Variants in PKD1 observed in about 807,000 individuals in gnomAD.
PKD1 encodes the protein polycystin 1, transient receptor potential channel interacting.
PKD1 carries 81 observed loss-of-function variants against 361.7 expected under a neutral mutation model. The ratio of observed to expected loss-of-function variants is 0.22; its 90% CI spans 0.19 to 0.27. The LOEUF (loss-of-function observed/expected upper bound fraction) is 0.27. PKD1 is among the 10% of genes least tolerant of loss of function. The pLI, the probability that PKD1 is intolerant of heterozygous loss-of-function variation, is 1.00. For missense variants in PKD1, 6,399 were observed against 6,118.3 expected, an observed-to-expected ratio of 1.05 and a Z score of -1.53; for synonymous variants, 3,615 against 2,818.3, an observed-to-expected ratio of 1.28 and a Z score of -8.95.
intron 30 of PKD1, 184 bp downstream of exon 30, chr16:2,099,460 T>G: frequency 4.3e-6 from 3 of 696,560 alleles, no homozygotes; most frequent in Non-Finnish European, 7.7e-6. Context: ...TTCTGGCTTC[T>G]GAGTCTTCTC....
At chr16:2,097,046 G>GCCCCCC in intron 34 of PKD1, 102 bp downstream of exon 34, 1 of 754,824 alleles carries the variant, frequency 1.3e-6, no homozygotes. Context: ...CCCTGCCCTG[G>GCCCCCC]CACCCCACCC....
chr16:2,097,582 A>G (rs2091898854), intron 32 of PKD1, 79 bp from the exon 33 acceptor site: 1 of 1,608,204 alleles, frequency 6.2e-7, no homozygotes, highest in African/African-American at 1.3e-5. Flanking sequence ...ACGCACGGAC[A>G]CCCTGGGCTT....
rs34379884 is a variant in PKD1 at position 2,088,737 on chromosome 16, T to G, written c.*990A>C. ...AGTCAGACAGCTCTTTTATTGACTT[T>G]GTCTGCTTGGTGCGGGGGTTGGGGG... On this transcript the variant is annotated 3_prime_UTR_variant, in exon 46 of 46. Transcript: ENST00000262304. 1 of 1,321,906 alleles carries G rather than the reference T, an allele frequency of 7.6e-7. No individual in the cohort carries two copies. The highest frequency in any genetic ancestry group is 1.0e-6 in the Non-Finnish European group (1 of 969,546). 81.9% of individuals were successfully genotyped at this position (1,321,906 alleles called of 1,614,324 possible). A position where few individuals can be genotyped will look rare whatever the true frequency, so the allele number is the denominator to read the frequency against.
Position 2,100,534 on chromosome 16 carries a change from C to T in PKD1, c.9430G>A (p.Gly3144Arg), listed in dbSNP as rs1596515144. Reference protein sequence around the residue: ...TTAHVGIMLYGVDSRSGHRHL... With the variant: ...TTAHVGIMLYRVDSRSGHRHL... ...CGGTGGCCGCTCCGGCTGTCCACCC[C>T]ATACAGCATGATGCCCACGTGGGCC... Residue 3144 changes from glycine to arginine, a missense_variant, in exon 27 of 46, where the codon GGG becomes AGG. By Grantham distance (125) the Gly-to-Arg change is moderately radical. Coordinates refer to ENST00000262304, the MANE Select transcript of PKD1 (RefSeq NM_001009944.3). The surrounding 1 kb of genome is among the most constrained non-coding windows in gnomAD (Gnocchi z 4.4). The T allele has an allele frequency of 6.2e-7, 1 of 1,610,460 alleles. No homozygotes were observed. The highest frequency in any genetic ancestry group is 8.5e-7 in the Non-Finnish European group (1 of 1,179,582).
chr16:2,118,610 T>C lies in PKD1; in HGVS notation c.529+66A>G. The C allele has an allele frequency of 2.5e-6, 2 of 802,152 alleles. No individual in the cohort carries two copies. Among genetic ancestry groups the C allele is most frequent in the Non-Finnish European group, 4.2e-6 (2 of 478,088 alleles). The allele number at this position is 802,152 out of a possible 1,614,324, so 49.7% of individuals were successfully genotyped here. On this transcript the variant is annotated intron_variant, in intron 4 of 45. Coordinates refer to ENST00000262304, the MANE Select transcript of PKD1 (RefSeq NM_001009944.3). This position sits in a 1 kb window ranked among gnomAD's most constrained non-coding sequence, Gnocchi z 6.0. ...AGAGGCCTTCCTGAGCCCTGCCCAG[T>C]GTCTGCAGGGCCCAGGTCCCACCTG...
Position 2,100,047 on chromosome 16 carries a change from C to T in PKD1, c.9737G>A (p.Arg3246Gln), listed in dbSNP as rs781673852. 14 of 1,589,798 alleles carry T rather than the reference C, an allele frequency of 8.8e-6. No individual in the cohort carries two copies. Among genetic ancestry groups the T allele is most frequent in the Middle Eastern group, 2.3e-4 (1 of 4,426 alleles). Residue 3246 changes from arginine to glutamine, a missense_variant, in exon 29 of 46, where the codon CGG becomes CAG. Arg to Gln is a conservative substitution (Grantham distance 43). Coordinates refer to ENST00000262304, the MANE Select transcript of PKD1 (RefSeq NM_001009944.3). This position sits in a 1 kb window ranked among gnomAD's most constrained non-coding sequence, Gnocchi z 4.4. ...AASDAALLRF[R>Q]RLLVAELQRG... is the part of the protein sequence containing the mutation. ...CTGCAGCTCAGCCACCAGCAGGCGC[C>T]GGAAGCGCAAAAGGGCTGCGTCGCC...
In PKD1 at chr16:2,110,649, C is replaced by G; in HGVS notation, c.4518G>C (p.Gly1506=). 1 of 1,610,060 alleles carries G rather than the reference C, an allele frequency of 6.2e-7. No individual in the cohort carries two copies. Among genetic ancestry groups the G allele is most frequent in the South Asian group, 1.1e-5 (1 of 90,978 alleles). ...GGGTGACCTCCGGACCCTCGAGCCA[C>G]CCACCGTCCCCCAGATCCCACAGGT... ...ASYLWDLGDG[G]WLEGPEVTHA... is the part of the protein sequence containing the mutation. Residue 1506 remains glycine, a synonymous_variant, in exon 15 of 46, where the codon GGG becomes GGC. Transcript: ENST00000262304.
rs369450514 is a variant in PKD1, at chr16:2,109,809, C to T, written c.5358G>A (p.Pro1786=). 3.0e-5 allele frequency: 48 copies of T among 1,610,376 alleles called. No homozygotes were observed. The highest frequency in any genetic ancestry group is 7.7e-5 in the South Asian group (7 of 90,976). ...CCACGGTGGCGTTGGCTGAGCCCAG[C>T]GGGTTCCCTGCCGTCATGGTGACCA... ...LHLVTMTAGN[P]LGSANATVEV... is the part of the protein sequence containing the mutation. The change falls in exon 15 of 46, where the codon CCG becomes CCA. Residue 1786 remains proline (P), a synonymous_variant. Coordinates refer to ENST00000262304, the MANE Select transcript of PKD1 (RefSeq NM_001009944.3).
Position 2,110,210 on chromosome 16 carries a change from G to T in PKD1, c.4957C>A (p.Gln1653Lys). The T allele has an allele frequency of 6.2e-7, 1 of 1,611,842 alleles. No homozygotes were observed. The highest frequency in any genetic ancestry group is 8.5e-7 in the Non-Finnish European group (1 of 1,179,784). ...TTGGTGCCATCCCTAACCACGGCCTGCAGCTGTACCGTGTGGTTGGTGGGG... is the reference window on the plus strand; with the variant it reads ...TTGGTGCCATCCCTAACCACGGCCTTCAGCTGTACCGTGTGGTTGGTGGGG... ...YFPTNHTVQL[Q>K]AVVRDGTNVS... is the part of the protein sequence containing the mutation. Residue 1653 changes from glutamine (Q) to lysine (K), a missense_variant, in exon 15 of 46, where the codon CAG becomes AAG. By Grantham distance (53) the Gln-to-Lys change is moderately conservative (BLOSUM62 1). Transcript: ENST00000262304.
In PKD1 at chr16:2,089,947, T is replaced by C; in HGVS notation, c.12692A>G (p.Gln4231Arg). The C allele has an allele frequency of 1.9e-6, 3 of 1,612,306 alleles. No homozygotes were observed. Among genetic ancestry groups the C allele is most frequent in the Non-Finnish European group, 2.5e-6 (3 of 1,179,772 alleles). ...ALLTQFDRLN[Q>R]ATEDVYQLEQ... Reference sequence around the variant, plus strand: ...CAGCTGGTAGACGTCCTCTGTGGCCTGGTTGAGTCGGTCAAACTGGGTGAG... The same window carrying C: ...CAGCTGGTAGACGTCCTCTGTGGCCCGGTTGAGTCGGTCAAACTGGGTGAG... The change falls in exon 46 of 46, where the codon CAG becomes CGG. Residue 4231 changes from glutamine to arginine, a missense_variant. Transcript: ENST00000262304.
In PKD1 at chr16:2,110,643, G is replaced by T. The variant is rs144200494; in HGVS notation, c.4524C>A (p.Leu1508=). The T allele has an allele frequency of 6.2e-7, 1 of 1,609,970 alleles. No homozygotes were observed. The highest frequency in any genetic ancestry group is 1.3e-5 in the African/African-American group (1 of 74,954). The change falls in exon 15 of 46, where the codon CTC becomes CTA. Residue 1508 remains leucine, a synonymous_variant. Transcript: ENST00000262304. ...YLWDLGDGGW[L]EGPEVTHAYN... is the part of the protein sequence containing the mutation. ...AAGCGTGGGTGACCTCCGGACCCTC[G>T]AGCCACCCACCGTCCCCCAGATCCC...
rs1257167029 is a variant in PKD1, at chr16:2,113,170, G to A, written c.2976C>T (p.Phe992=). ...FNVIYQSAAV[F]KLSLTASNHV... ...ACCCCCGCCCACCTACTGAGAGCTTGAAGACCGCCGCGCTCTGATAAATGA... is the reference window on the plus strand; with the variant it reads ...ACCCCCGCCCACCTACTGAGAGCTTAAAGACCGCCGCGCTCTGATAAATGA... The change falls in exon 12 of 46, where the codon TTC becomes TTT. Residue 992 remains phenylalanine, a synonymous_variant. Coordinates refer to ENST00000262304, the MANE Select transcript of PKD1 (RefSeq NM_001009944.3). 4 of 966,350 alleles carry A rather than the reference G, an allele frequency of 4.1e-6. No homozygotes were observed. In the African/African-American group the frequency reaches 5.0e-5, roughly 12 times the overall value. 59.9% of individuals were successfully genotyped at this position (966,350 alleles called of 1,614,324 possible). A position where few individuals can be genotyped will look rare whatever the true frequency, so the allele number is the denominator to read the frequency against.
chr16:2,129,715 A>C (rs1217954728), intron 1 of PKD1, among the ~76,000 whole-genome samples: 1 of 150,760 alleles, frequency 6.6e-6, no homozygotes, highest in East Asian at 2.0e-4. Context: ...ACGCCCGGCC[A>C]ATGTTCTTTT....
At chr16:2,092,398 G>A (rs1471033515) in intron 39 of PKD1, 82 bp downstream of exon 39, 1 of 1,065,306 alleles carries the variant, frequency 9.4e-7, no homozygotes, top group East Asian at 2.5e-5. Context: ...TAGGGAGCAG[G>A]GCTGATGCCA....
At chr16:2,094,571 G>A in intron 34 of PKD1, 1 of 374,166 alleles carries the variant, frequency 2.7e-6, no homozygotes. Context: ...CATCCAACAA[G>A]CATCTCTACA....
Position 2,108,032 on chromosome 16 carries a change from T to C in PKD1, c.6916A>G (p.Arg2306Gly). 1.3e-6 allele frequency: 2 copies of C among 1,557,710 alleles called. No homozygotes were observed. The highest frequency in any genetic ancestry group is 1.7e-6 in the Non-Finnish European group (2 of 1,152,926). ...FHWACVASTQ[R>G]EAGGCALNFG... ...TTCAGCGCACACCCGCCAGCCTCCCTCTGCAGGCCGAGAACAAGGGGCGAC... is the reference window on the plus strand; with the variant it reads ...TTCAGCGCACACCCGCCAGCCTCCCCCTGCAGGCCGAGAACAAGGGGCGAC... Residue 2306 changes from arginine (R) to glycine (G), a missense_variant and splice_region_variant, in exon 16 of 46, where the codon AGG becomes GGG. By Grantham distance (125) the Arg-to-Gly change is moderately radical. Coordinates refer to ENST00000262304, the MANE Select transcript of PKD1 (RefSeq NM_001009944.3).
At chr16:2,090,256 C>A in intron 45 of PKD1, 29 bp downstream of exon 45, 2 of 1,608,690 alleles carry the variant, frequency 1.2e-6, no homozygotes, top group Non-Finnish European at 1.7e-6. Flanking sequence ...CAGGGCGTGT[C>A]CCTCTCCCCC....
At chr16:2,099,487 G>A (rs1567168773) in intron 30 of PKD1, 157 bp downstream of exon 30, 2 of 713,910 alleles carry the variant, frequency 2.8e-6, no homozygotes, top group Non-Finnish European at 5.0e-6. Flanking sequence ...TCCCTGGTCA[G>A]TCTAGCTAAG....
intron 1 of PKD1, among the ~76,000 whole-genome samples, chr16:2,124,029 T>C (rs2092761891): frequency 1.3e-5 from 2 of 152,166 alleles, no homozygotes; most frequent in African/African-American, 4.8e-5. Flanking sequence ...GCGGGCTCCT[T>C]AGCGGCTGCT....
Sources: allele counts gnomAD v4.1 joint callset (sites outside exome capture counted in the v4.1 genomes callset), GRCh38; gene constraint gnomAD v4.1.1; non-coding constraint Gnocchi (gnomAD v3.1); transcripts MANE v1.5; gene names NCBI Gene and HGNC (gene_info 2026-07-23, HGNC 2026-07-21).